Variants in NRXN1 observed in about 807,000 individuals in gnomAD.
The protein encoded by NRXN1 is neurexin 1.
A neutral mutation model predicts 150.9 loss-of-function variants in NRXN1; 39 were observed. The ratio of observed to expected loss-of-function variants is 0.26; its 90% CI spans 0.20 to 0.34. The LOEUF is 0.34. NRXN1 is among the 10% of genes least tolerant of loss of function. The probability of loss-of-function intolerance (pLI) is 1.00; values close to 1 mark genes in which losing one functional copy is unlikely to be tolerated. For missense variants in NRXN1, 1,815 were observed against 1,949.9 expected (o/e 0.93, Z 1.30); for synonymous variants, 924 against 757.0 (o/e 1.22, Z -3.62).
At chr2:50,218,112 T>A (rs541585338) in intron 18 of NRXN1, among the ~76,000 whole-genome samples, 1 of 152,204 alleles carries the variant, frequency 6.6e-6, no homozygotes, top group Non-Finnish European at 1.5e-5. Context: ...GCTACTATTA[T>A]AAATTTCAGT....
At position 50,898,191 on chromosome 2, in the gene NRXN1, T is replaced by G. The variant is rs113845328; in HGVS notation, c.832+23678A>C. 2.7e-3 allele frequency among the ~76,000 whole-genome samples: 406 copies of G among 152,280 alleles called. 2 individuals carry two copies. The highest frequency in any genetic ancestry group is 9.4e-3 in the African/African-American group (392 of 41,582). ...AACTTTATGTCACTGTTTCTTTGTT[T>G]CTATATGAAGAATCCTTTCATCTTC... On this transcript the variant is annotated intron_variant, in intron 5 of 22. Coordinates refer to ENST00000401669, the MANE Select transcript of NRXN1 (RefSeq NM_001330078.2).
chr2:50,433,396 A>G (rs1323669278), intron 17 of NRXN1, among the ~76,000 whole-genome samples: 1 of 152,182 alleles, frequency 6.6e-6, no homozygotes, highest in African/African-American at 2.4e-5. Flanking sequence ...TATGTTCTGT[A>G]CTCAGCTATG....
At chr2:50,038,944 C>T (rs1690489511) in intron 21 of NRXN1, among the ~76,000 whole-genome samples, 2 of 152,078 alleles carry the variant, frequency 1.3e-5, no homozygotes, top group Non-Finnish European at 2.9e-5. Context: ...CTTTTGGAGG[C>T]AGAGGTGGGT....
At chr2:49,981,546 C>T (rs370774475) in intron 21 of NRXN1, among the ~76,000 whole-genome samples, 2 of 152,172 alleles carry the variant, frequency 1.3e-5, no homozygotes, top group Admixed American at 6.5e-5. Context: ...TCTTCCCCCC[C>T]ACTTTTCCCG....
chr2:50,508,043 G>C (rs1038859252), intron 12 of NRXN1, among the ~76,000 whole-genome samples: 1 of 152,030 alleles, frequency 6.6e-6, no homozygotes. Context: ...AGAGAACCAA[G>C]TAAAATAAAC....
At chr2:50,287,066 A>T (rs2072283683) in intron 17 of NRXN1, among the ~76,000 whole-genome samples, 1 of 152,094 alleles carries the variant, frequency 6.6e-6, no homozygotes, top group South Asian at 2.1e-4. Context: ...CAATAAGTAC[A>T]GGCTTGCAAA....
intron 5 of NRXN1, among the ~76,000 whole-genome samples, chr2:50,673,109 C>G (rs1169191590): frequency 1.3e-5 from 2 of 151,940 alleles, no homozygotes; most frequent in Non-Finnish European, 2.9e-5. Context: ...AAGACGGTGG[C>G]AATAATTAAA....
At chr2:50,454,658 C>T (rs1403486347) in intron 17 of NRXN1, among the ~76,000 whole-genome samples, 5 of 133,384 alleles carry the variant, frequency 3.7e-5, no homozygotes, top group South Asian at 2.4e-4. Context: ...TAGAAATGGG[C>T]AAAGATCACA....
At chr2:50,418,669 T>C (rs986856043) in intron 17 of NRXN1, among the ~76,000 whole-genome samples, 1 of 152,046 alleles carries the variant, frequency 6.6e-6, no homozygotes, top group Non-Finnish European at 1.5e-5. Context: ...TCCCTTGGTA[T>C]TGAGCAAATT....
chr2:50,152,353 A>G (rs1187207687), intron 18 of NRXN1, among the ~76,000 whole-genome samples: 2 of 151,770 alleles, frequency 1.3e-5, no homozygotes, highest in Non-Finnish European at 1.5e-5. Context: ...AGGTTCATCC[A>G]TGAACCCTGC....
At position 50,017,660 on chromosome 2, in the gene NRXN1, CT is replaced by C. The variant is rs143759409; in HGVS notation, c.4128+35610del. 6.0e-3 allele frequency among the ~76,000 whole-genome samples: 834 copies of C among 138,422 alleles called. 2 individuals are homozygous for C. The highest frequency in any genetic ancestry group is 1.0e-2 in the Admixed American group (139 of 13,920). The allele number at this position is 138,422 out of a possible 152,430, so 90.8% of individuals were successfully genotyped here. On this transcript the variant is annotated intron_variant, in intron 21 of 22. Transcript: ENST00000401669. Reference sequence around the variant, plus strand: ...AAAAGATTTTAGAAAAAAACACAGCCTTTTTTTTTTTTTTTTTGGATTTACA... The same window carrying C: ...AAAAGATTTTAGAAAAAAACACAGCCTTTTTTTTTTTTTTTTGGATTTACA...
chr2:50,817,619 C>T (rs1480475892), intron 5 of NRXN1, among the ~76,000 whole-genome samples: 1 of 151,916 alleles, frequency 6.6e-6, no homozygotes, highest in African/African-American at 2.4e-5. Flanking sequence ...AAAATACTAA[C>T]AAAGCAAATT....
chr2:50,270,371 T>A (rs530151063), intron 17 of NRXN1, among the ~76,000 whole-genome samples: 1 of 152,296 alleles, frequency 6.6e-6, no homozygotes, highest in Admixed American at 6.5e-5. Context: ...AAACACTAAG[T>A]ACTTCTAGAA....
At chr2:50,053,035 A>C (rs1395557910) in intron 21 of NRXN1, among the ~76,000 whole-genome samples, 3 of 152,160 alleles carry the variant, frequency 2.0e-5, no homozygotes. Context: ...CAAGACTATC[A>C]TTTAGCATCT....
rs36106628 is a variant in NRXN1 at position 50,921,734 on chromosome 2, T to A, written c.832+135A>T. 114,879 of 399,320 alleles carry A rather than the reference T, an allele frequency of 0.29. 18,606 individuals are homozygous for A. Among genetic ancestry groups the A allele is most frequent in the Non-Finnish European group, 0.35 (75,916 of 219,094 alleles). 24.7% of individuals were successfully genotyped at this position (399,320 alleles called of 1,614,324 possible). On this transcript the variant is annotated intron_variant, in intron 5 of 22. Coordinates refer to ENST00000401669, the MANE Select transcript of NRXN1 (RefSeq NM_001330078.2). ...ATGGATTTTTCTTATCTTAAATTTA[T>A]AAAATATTTATTAACACATATACCT...
chr2:50,443,052 T>G (rs2104463651), intron 17 of NRXN1, among the ~76,000 whole-genome samples: 1 of 152,272 alleles, frequency 6.6e-6, no homozygotes, highest in African/African-American at 2.4e-5. Context: ...CTAATTGACA[T>G]TAGGTTTTAT....
At chr2:50,254,662 G>A (rs2067519917) in intron 17 of NRXN1, among the ~76,000 whole-genome samples, 1 of 151,882 alleles carries the variant, frequency 6.6e-6, no homozygotes, top group African/African-American at 2.4e-5. Flanking sequence ...ATGCTTAGTA[G>A]AAACAGTAAC....
rs115698716 is a variant in NRXN1, at chr2:50,872,178, T to C, written c.832+49691A>G. Among the ~76,000 whole-genome samples, 1,500 of 152,024 alleles carry C rather than the reference T, an allele frequency of 9.9e-3. 18 individuals carry two copies. Among genetic ancestry groups the C allele is most frequent in the African/African-American group, 0.034 (1,424 of 41,522 alleles). ...TTTATATATTTTTCATATTTCTTCT[T>C]TATATATAATGTGAGTCATTTCACA... On this transcript the variant is annotated intron_variant, in intron 5 of 22. Transcript: ENST00000401669.
At chr2:50,683,524 C>A (rs546910663) in intron 5 of NRXN1, among the ~76,000 whole-genome samples, 1 of 146,264 alleles carries the variant, frequency 6.8e-6, no homozygotes, top group Admixed American at 6.9e-5. Context: ...CCTAGCTACT[C>A]AGGAGGCTGA....
Sources: allele counts gnomAD v4.1 joint callset (sites outside exome capture counted in the v4.1 genomes callset), GRCh38; gene constraint gnomAD v4.1.1; transcripts MANE v1.5; gene names NCBI Gene and HGNC (gene_info 2026-07-23, HGNC 2026-07-21).